The following MCTP1 variants were observed in gnomAD, a reference collection of about 807,000 sequenced individuals.
MCTP1 encodes the protein multiple C2 and transmembrane domain containing 1.
Under a neutral mutation model 120.6 loss-of-function variants are expected in MCTP1, and 69 were observed. That is an observed-to-expected ratio of 0.57 (90% CI 0.47 to 0.70). MCTP1 has a LOEUF of 0.70. Ranked by LOEUF, MCTP1 falls within the 30% of genes least tolerant of loss-of-function variation. MCTP1 has a pLI of 0.00. For synonymous variants in MCTP1, 529 were observed against 493.1 expected (o/e 1.07, Z -0.96); for missense variants, 1,203 against 1,248.8 (o/e 0.96, Z 0.55).
chr5:95,080,079 G>A (rs1049889420), intron 1 of MCTP1, among the ~76,000 whole-genome samples: 5 of 152,166 alleles, frequency 3.3e-5, no homozygotes, highest in African/African-American at 1.2e-4. Context: ...GATAAGCTTT[G>A]GAGGAATCTC....
chr5:94,749,679 AAAAAAAAT>A lies in MCTP1; in HGVS notation c.2610+29423_2610+29430del, dbSNP rs1166569595. Among the ~76,000 whole-genome samples, 49 of 148,530 alleles carry A rather than the reference AAAAAAAAT, an allele frequency of 3.3e-4. 1 individual carries two copies. Among genetic ancestry groups the A allele is most frequent in the African/African-American group, 1.2e-3 (45 of 38,588 alleles). ...CAAAAAAAAAAAAAAAAAAAAAAAA[AAAAAAAAT>A]ATCAAGGCAGTGGAAAATGAGCTAC... On this transcript the variant is annotated intron_variant, in intron 19 of 22. Transcript: ENST00000515393.
intron 1 of MCTP1, among the ~76,000 whole-genome samples, chr5:95,068,116 AT>A (rs1751151815): frequency 6.6e-6 from 1 of 152,238 alleles, no homozygotes; most frequent in African/African-American, 2.4e-5. Flanking sequence ...TATTAAATTT[AT>A]CATTATCCTA....
chr5:94,870,751 C>G (rs1797702157), intron 15 of MCTP1, 121 bp downstream of exon 15: 1 of 780,074 alleles, frequency 1.3e-6, no homozygotes. Context: ...AGCGTATTCT[C>G]CAGGACACAT....
At chr5:94,731,707 T>C in intron 19 of MCTP1, among the ~76,000 whole-genome samples, 1 of 152,220 alleles carries the variant, frequency 6.6e-6, no homozygotes, top group Non-Finnish European at 1.5e-5. Context: ...ACCAGTATTA[T>C]GAATTAGATG....
chr5:94,951,131 A>G (rs760025487), intron 3 of MCTP1, among the ~76,000 whole-genome samples: 21 of 151,944 alleles, frequency 1.4e-4, no homozygotes, highest in South Asian at 4.2e-4. Context: ...CATCCTTCCA[A>G]CTGTCCAGTG....
intron 17 of MCTP1, among the ~76,000 whole-genome samples, chr5:94,806,259 T>A (rs558872657): frequency 2.6e-4 from 39 of 152,104 alleles, no homozygotes; most frequent in African/African-American, 8.9e-4. Context: ...GGAAACTGAA[T>A]GAGCCAATTA....
intron 1 of MCTP1, among the ~76,000 whole-genome samples, chr5:95,253,218 T>C (rs1279672619): frequency 6.6e-6 from 1 of 152,178 alleles, no homozygotes; most frequent in Admixed American, 6.5e-5. Flanking sequence ...TTCTTAGTTT[T>C]ATGTGCATGA....
intron 1 of MCTP1, among the ~76,000 whole-genome samples, chr5:95,119,513 A>G (rs751189120): frequency 1.4e-4 from 21 of 152,148 alleles, no homozygotes; most frequent in Admixed American, 2.6e-4. Flanking sequence ...TAGTAGAAGA[A>G]AAGAAATAAT....
chr5:95,127,644 T>C (rs920084321), intron 1 of MCTP1, among the ~76,000 whole-genome samples: 1 of 152,068 alleles, frequency 6.6e-6, no homozygotes, highest in Non-Finnish European at 1.5e-5. Context: ...CAGGGGTCAG[T>C]GTCCAGGAAA....
chr5:94,956,699 G>A (rs1374370276), intron 2 of MCTP1, among the ~76,000 whole-genome samples: 1 of 137,068 alleles, frequency 7.3e-6, no homozygotes, highest in Non-Finnish European at 1.6e-5. Context: ...GAAATAAAGT[G>A]TAAAGACAAG....
chr5:95,283,486 T>G (rs1760484360), intron 1 of MCTP1, among the ~76,000 whole-genome samples: 3 of 152,328 alleles, frequency 2.0e-5, no homozygotes, highest in African/African-American at 7.2e-5. Context: ...CCACCACACG[T>G]GATCGTAATT....
At chr5:94,969,983 A>T (rs1826428813) in intron 2 of MCTP1, among the ~76,000 whole-genome samples, 1 of 152,100 alleles carries the variant, frequency 6.6e-6, no homozygotes, top group South Asian at 2.1e-4. Flanking sequence ...AGAGGTTTAT[A>T]ATCACAGGTG....
At chr5:95,122,520 G>C (rs1017348418) in intron 1 of MCTP1, among the ~76,000 whole-genome samples, 1 of 152,148 alleles carries the variant, frequency 6.6e-6, no homozygotes, top group Non-Finnish European at 1.5e-5. Flanking sequence ...CAAGGATATA[G>C]AGAAAAGGAA....
intron 1 of MCTP1, among the ~76,000 whole-genome samples, chr5:95,029,478 CAAGTTCTA>C (rs1203929504): frequency 6.6e-6 from 1 of 152,144 alleles, no homozygotes; most frequent in Non-Finnish European, 1.5e-5. Context: ...TGTGAATAGA[CAAGTTCTA>C]AATGGGAAAG....
At chr5:95,030,579 C>G (rs1213320633) in intron 1 of MCTP1, among the ~76,000 whole-genome samples, 1 of 152,174 alleles carries the variant, frequency 6.6e-6, no homozygotes, top group Non-Finnish European at 1.5e-5. Flanking sequence ...CATCCAGAGC[C>G]TTAGCCCTCT....
At chr5:94,994,619 G>A (rs1206521335) in intron 2 of MCTP1, among the ~76,000 whole-genome samples, 1 of 152,126 alleles carries the variant, frequency 6.6e-6, no homozygotes, top group African/African-American at 2.4e-5. Flanking sequence ...GTATGTTGAG[G>A]GGTGTGATGG....
chr5:94,909,243 G>A lies in MCTP1; in HGVS notation c.1652+8C>T. ...AGGAGTGAACCAAAAATTACAAATTGCACAAACCTGCCAATGAAATCATCC... is the reference window on the plus strand; with the variant it reads ...AGGAGTGAACCAAAAATTACAAATTACACAAACCTGCCAATGAAATCATCC... On this transcript the variant is annotated splice_region_variant and intron_variant, in intron 10 of 22. Transcript: ENST00000515393. The A allele has an allele frequency of 2.5e-6, 4 of 1,611,314 alleles. No individual in the cohort carries two copies. Among genetic ancestry groups the A allele is most frequent in the Non-Finnish European group, 3.4e-6 (4 of 1,178,688 alleles).
chr5:94,959,061 G>A (rs1823448349), intron 2 of MCTP1, among the ~76,000 whole-genome samples: 1 of 152,100 alleles, frequency 6.6e-6, no homozygotes, highest in African/African-American at 2.4e-5. Flanking sequence ...ACATTAAAAA[G>A]CTTATCCACC....
At chr5:95,122,059 G>A (rs370704932) in intron 1 of MCTP1, among the ~76,000 whole-genome samples, 1 of 151,744 alleles carries the variant, frequency 6.6e-6, no homozygotes, top group East Asian at 1.9e-4. Context: ...AGAAAACATT[G>A]AGAAAACTCT....
Sources: gnomAD v4.1 joint callset for allele counts (sites outside exome capture counted in the v4.1 genomes callset) on GRCh38, gnomAD v4.1.1 for gene constraint, MANE v1.5 for transcripts, NCBI Gene and HGNC (gene_info 2026-07-23, HGNC 2026-07-21) for gene names.